Variants in CADM2 observed in about 807,000 individuals in gnomAD.
CADM2 encodes the protein immunoglobulin superfamily member 4D.
Under a neutral mutation model 49.8 loss-of-function variants are expected in CADM2, and 12 were observed. The ratio of observed to expected loss-of-function variants is 0.24; its 90% CI spans 0.15 to 0.39. The LOEUF is 0.39. Ranked by LOEUF, CADM2 falls within the 10% of genes least tolerant of loss-of-function variation. CADM2 has a pLI of 1.00. For synonymous variants in CADM2, 214 were observed against 175.4 expected, an observed-to-expected ratio of 1.22 and a Z score of -1.74; for missense variants, 378 against 492.3, an observed-to-expected ratio of 0.77 and a Z score of 2.20.
At chr3:85,825,938 TG>T (rs1308375296) in intron 3 of CADM2, among the ~76,000 whole-genome samples, 2 of 152,072 alleles carry the variant, frequency 1.3e-5, no homozygotes, top group Non-Finnish European at 2.9e-5. Context: ...ATGTTTTCTT[TG>T]TTCTCCATAA....
At chr3:85,430,761 A>C (rs1171262799) in intron 1 of CADM2, among the ~76,000 whole-genome samples, 4 of 152,044 alleles carry the variant, frequency 2.6e-5, no homozygotes, top group African/African-American at 9.7e-5. Context: ...GGAAGTTAGG[A>C]TATATACTTG....
intron 3 of CADM2, among the ~76,000 whole-genome samples, chr3:85,834,146 T>C (rs1396771711): frequency 6.6e-6 from 1 of 151,642 alleles, no homozygotes; most frequent in African/African-American, 2.4e-5. Flanking sequence ...TCTCTTAACA[T>C]GAAGACAGAA....
intron 8 of CADM2, chr3:86,027,845 G>T (rs1460904570): frequency 6.6e-6 from 1 of 151,900 alleles, no homozygotes; most frequent in African/African-American, 2.4e-5. Flanking sequence ...CTAAATATTG[G>T]ACTGGGCTTT....
chr3:85,984,695 A>C (rs1239864129), intron 8 of CADM2, among the ~76,000 whole-genome samples: 1 of 151,914 alleles, frequency 6.6e-6, no homozygotes, highest in Non-Finnish European at 1.5e-5. Flanking sequence ...ATTCAAATAC[A>C]CCATACATTT....
At chr3:84,987,085 T>C (rs924048851) in intron 1 of CADM2, among the ~76,000 whole-genome samples, 2 of 151,790 alleles carry the variant, frequency 1.3e-5, no homozygotes, top group Non-Finnish European at 2.9e-5. Flanking sequence ...AAAAAGAGTT[T>C]GGACACTAAC....
intron 8 of CADM2, among the ~76,000 whole-genome samples, chr3:86,023,139 A>G (rs1733412123): frequency 6.6e-6 from 1 of 151,856 alleles, no homozygotes; most frequent in Non-Finnish European, 1.5e-5. Context: ...AGCAAATATC[A>G]AAAATGCAAT....
intron 3 of CADM2, among the ~76,000 whole-genome samples, chr3:85,825,525 A>G (rs2073858953): frequency 1.3e-5 from 2 of 152,014 alleles, no homozygotes; most frequent in African/African-American, 4.8e-5. Flanking sequence ...TGCTGGGAAA[A>G]TGCATTCCAT....
intron 1 of CADM2, among the ~76,000 whole-genome samples, chr3:85,325,257 G>A (rs898949095): frequency 6.6e-6 from 1 of 152,184 alleles, no homozygotes; most frequent in Non-Finnish European, 1.5e-5. Flanking sequence ...AATTAAATGA[G>A]TTAATGAACT....
intron 1 of CADM2, among the ~76,000 whole-genome samples, chr3:85,167,677 C>T (rs2040506809): frequency 6.6e-6 from 1 of 152,146 alleles, no homozygotes; most frequent in South Asian, 2.1e-4. Flanking sequence ...AATTAAACCA[C>T]TTTTAATCCA....
At chr3:85,252,863 C>A (rs1421744135) in intron 1 of CADM2, among the ~76,000 whole-genome samples, 2 of 151,962 alleles carry the variant, frequency 1.3e-5, no homozygotes, top group Non-Finnish European at 2.9e-5. Context: ...AACCTGTCAC[C>A]TAACTTAATG....
intron 1 of CADM2, among the ~76,000 whole-genome samples, chr3:85,168,579 C>A (rs2040533643): frequency 6.6e-6 from 1 of 152,110 alleles, no homozygotes; most frequent in Non-Finnish European, 1.5e-5. Flanking sequence ...TTAGTCAAGA[C>A]ATGTTCATAC....
At chr3:85,715,020 A>G (rs2067241838) in intron 1 of CADM2, among the ~76,000 whole-genome samples, 1 of 152,166 alleles carries the variant, frequency 6.6e-6, no homozygotes, top group South Asian at 2.1e-4. Flanking sequence ...GTGGTATAAT[A>G]TACATTTATA....
intron 8 of CADM2, among the ~76,000 whole-genome samples, chr3:86,047,124 T>C (rs2107295165): frequency 6.6e-6 from 1 of 152,242 alleles, no homozygotes; most frequent in South Asian, 2.1e-4. Flanking sequence ...TTGAGCACGA[T>C]TGTCGTTTAG....
chr3:85,637,474 C>T (rs1405112464), intron 1 of CADM2, among the ~76,000 whole-genome samples: 1 of 148,156 alleles, frequency 6.7e-6, no homozygotes, highest in African/African-American at 2.5e-5. Context: ...CGGTGGCGGG[C>T]GCCTGTAGTC....
chr3:85,794,846 A>G (rs2071529847), intron 2 of CADM2, among the ~76,000 whole-genome samples: 2 of 152,088 alleles, frequency 1.3e-5, no homozygotes, highest in Non-Finnish European at 2.9e-5. Context: ...CTCTTTCTTT[A>G]CCCATCCTTC....
intron 1 of CADM2, among the ~76,000 whole-genome samples, chr3:85,583,713 A>G (rs1342538377): frequency 2.0e-5 from 3 of 152,156 alleles, no homozygotes; most frequent in Non-Finnish European, 4.4e-5. Flanking sequence ...TAAAAAGGGT[A>G]ATAGATTTAT....
chr3:85,106,261 T>G (rs184032537), intron 1 of CADM2, among the ~76,000 whole-genome samples: 9 of 152,260 alleles, frequency 5.9e-5, no homozygotes, highest in African/African-American at 2.2e-4. Flanking sequence ...TTTTAATATG[T>G]AAATGTGAAT....
chr3:85,989,034 G>C (rs1357011555), intron 8 of CADM2, among the ~76,000 whole-genome samples: 1 of 152,012 alleles, frequency 6.6e-6, no homozygotes, highest in Non-Finnish European at 1.5e-5. Flanking sequence ...GTTTACACTG[G>C]GTAAAGTACA....
At chr3:85,742,998 C>T (rs942404634) in intron 2 of CADM2, among the ~76,000 whole-genome samples, 6 of 152,018 alleles carry the variant, frequency 3.9e-5, no homozygotes, top group African/African-American at 7.2e-5. Flanking sequence ...CTGAGTCTAC[C>T]GATTTCTGCA....
Sources: gnomAD v4.1 joint callset for allele counts (sites outside exome capture counted in the v4.1 genomes callset) on GRCh38, gnomAD v4.1.1 for gene constraint, MANE v1.5 for transcripts, NCBI Gene and HGNC (gene_info 2026-07-23, HGNC 2026-07-21) for gene names.